The following ABHD2 variants were observed in gnomAD, a reference collection of about 807,000 sequenced individuals.
ABHD2 encodes the protein abhydrolase domain containing 2, acylglycerol lipase.
A neutral mutation model predicts 48.1 loss-of-function variants in ABHD2; 20 were observed. That is an observed-to-expected ratio of 0.42 (90% CI 0.29 to 0.60). The LOEUF (loss-of-function observed/expected upper bound fraction) is 0.60. Ranked by LOEUF, ABHD2 falls within the 20% of genes least tolerant of loss-of-function variation. ABHD2 has a pLI of 0.24. For synonymous variants in ABHD2, 209 were observed against 214.2 expected (o/e 0.98, Z 0.21); for missense variants, 405 against 550.9 (o/e 0.74, Z 2.65).
In ABHD2 at chr15:89,175,927, G is replaced by T; in HGVS notation, c.654G>T (p.Gly218=). The T allele has an allele frequency of 6.2e-7, 1 of 1,614,112 alleles. No homozygotes were observed. The highest frequency in any genetic ancestry group is 2.2e-5 in the East Asian group (1 of 44,880). ...LGGNIVCKYL[G]ETQANQEKVL... The stretch of plus-strand genomic sequence containing the variant: ...GTAACATTGTGTGCAAATACTTGGG[G>T]GAGACTCAGGCAAACCAAGAGAAGG... Residue 218 remains glycine (G), a synonymous_variant, in exon 6 of 11, where the codon GGG becomes GGT. Transcript: ENST00000352732. The surrounding 1 kb of genome is among the most constrained non-coding windows in gnomAD (Gnocchi z 5.7).
At chr15:89,108,613 T>A (rs2049824226) in intron 1 of ABHD2, among the ~76,000 whole-genome samples, 1 of 152,250 alleles carries the variant, frequency 6.6e-6, no homozygotes, top group Admixed American at 6.5e-5. Flanking sequence ...GCTCTGTTTG[T>A]TCGTGCTTTC....
intron 1 of ABHD2, among the ~76,000 whole-genome samples, chr15:89,095,376 AC>A (rs1316268912): frequency 2.0e-5 from 3 of 152,190 alleles, no homozygotes; most frequent in African/African-American, 7.2e-5. Flanking sequence ...GGTGGTACAG[AC>A]TACACAATGT....
In ABHD2 at chr15:89,138,122, G is replaced by A. The variant is rs1157648864; in HGVS notation, c.195-13555G>A. 3.9e-5 allele frequency among the ~76,000 whole-genome samples: 6 copies of A among 152,260 alleles called. No individual in the cohort carries two copies. The East Asian group carries it at 9.6e-4, about 24-fold the overall frequency. Reference sequence around the variant, plus strand: ...GGGCCCTGGCTTCCAGGCCTGTGGAGCAGGGAGGCTCTGGCAGTTCAGGAT... The same window carrying A: ...GGGCCCTGGCTTCCAGGCCTGTGGAACAGGGAGGCTCTGGCAGTTCAGGAT... On this transcript the variant is annotated intron_variant, in intron 3 of 10. Coordinates refer to ENST00000352732, the MANE Select transcript of ABHD2 (RefSeq NM_152924.5).
the ABHD2 span, among the ~76,000 whole-genome samples, chr15:89,081,588 C>T: frequency 7.9e-5 from 12 of 152,050 alleles, no homozygotes; most frequent in East Asian, 1.9e-4. Context: ...AATAGTTGGC[C>T]GGGTGCAGTG....
chr15:89,136,971 C>T (rs766437215), intron 3 of ABHD2, among the ~76,000 whole-genome samples: 1 of 152,210 alleles, frequency 6.6e-6, no homozygotes, highest in African/African-American at 2.4e-5. Flanking sequence ...TGAGCGTCAG[C>T]GTACATCCTG....
the ABHD2 span, among the ~76,000 whole-genome samples, chr15:89,064,470 C>T: frequency 2.0e-5 from 3 of 151,906 alleles, no homozygotes; most frequent in South Asian, 2.1e-4. Flanking sequence ...CCTTGTGATC[C>T]GCCCACCTCG....
In ABHD2 at chr15:89,155,271, C is replaced by A; in HGVS notation, c.371-96C>A. The A allele has an allele frequency of 2.2e-6, 3 of 1,362,832 alleles. No homozygotes were observed. The highest frequency in any genetic ancestry group is 1.9e-4 in the Middle Eastern group (1 of 5,214). 84.4% of individuals were successfully genotyped at this position (1,362,832 alleles called of 1,614,324 possible). A position where few individuals can be genotyped will look rare whatever the true frequency, so the allele number is the denominator to read the frequency against. On this transcript the variant is annotated intron_variant, in intron 4 of 10. Transcript: ENST00000352732. This position sits in a 1 kb window ranked among gnomAD's most constrained non-coding sequence, Gnocchi z 4.9. ...CTGAGTGAAAGATGTATGTTGAATT[C>A]CCTCCCCTTGTTTTCTAGACCAGTG...
rs554109334 is a variant in ABHD2 at position 89,189,713 on chromosome 15, G to A, written c.927-1367G>A. ...ATGAAAACTAGGAAATTGCTGGTAT[G>A]TTCAGAAGGTGAAAAATGAATCTTA... is the stretch of plus-strand genomic sequence containing the variant. On this transcript the variant is annotated intron_variant, in intron 8 of 10. Transcript: ENST00000352732. This position sits in a 1 kb window ranked among gnomAD's most constrained non-coding sequence, Gnocchi z 4.9. Among the ~76,000 whole-genome samples, 2 of 152,264 alleles carry A rather than the reference G, an allele frequency of 1.3e-5. No individual in the cohort carries two copies. Among genetic ancestry groups the A allele is most frequent in the Non-Finnish European group, 2.9e-5 (2 of 68,022 alleles).
intron 10 of ABHD2, among the ~76,000 whole-genome samples, chr15:89,194,805 G>A (rs2051368413): frequency 6.6e-6 from 1 of 152,116 alleles, no homozygotes; most frequent in South Asian, 2.1e-4. Context: ...GAAACACATT[G>A]AATCACCTGG....
At chr15:89,156,958 T>G (rs571990095) in intron 5 of ABHD2, among the ~76,000 whole-genome samples, 1 of 152,342 alleles carries the variant, frequency 6.6e-6, no homozygotes, top group East Asian at 1.9e-4. Flanking sequence ...ATTTTCTATT[T>G]CTTCCAACTA....
intron 3 of ABHD2, among the ~76,000 whole-genome samples, chr15:89,124,979 A>G (rs964036408): frequency 6.6e-6 from 1 of 152,088 alleles, no homozygotes; most frequent in African/African-American, 2.4e-5. Context: ...ATCCCAGCTA[A>G]TCGGGAGGCT....
intron 3 of ABHD2, among the ~76,000 whole-genome samples, chr15:89,134,676 A>G (rs2050274952): frequency 6.6e-6 from 1 of 152,124 alleles, no homozygotes; most frequent in Admixed American, 6.6e-5. Flanking sequence ...TATTATTTTT[A>G]TTGTGTATCT....
At chr15:89,178,012 A>G (rs1017235570) in intron 6 of ABHD2, among the ~76,000 whole-genome samples, 3 of 152,244 alleles carry the variant, frequency 2.0e-5, no homozygotes, top group Non-Finnish European at 4.4e-5. Context: ...TAGAAAACTA[A>G]AATCTGTGAG....
the ABHD2 span, among the ~76,000 whole-genome samples, chr15:89,043,614 C>CGAGGAGGCGGAAGGAGGAG: frequency 1.1e-5 from 1 of 95,016 alleles, no homozygotes; most frequent in Non-Finnish European, 2.0e-5. Context: ...GAGGAGGAGA[C>CGAGGAGGCGGAAGGAGGAG]GAGGAGGCGG....
At chr15:89,075,993 T>C in the ABHD2 span, among the ~76,000 whole-genome samples, 15 of 152,240 alleles carry the variant, frequency 9.9e-5, no homozygotes, top group East Asian at 2.3e-3. The surrounding 1 kb of genome is among the most constrained non-coding windows in gnomAD (Gnocchi z 4.1). Flanking sequence ...ACTGTTCCAG[T>C]GGAGGAGTAG....
the ABHD2 span, among the ~76,000 whole-genome samples, chr15:89,056,975 G>A: frequency 4.2e-5 from 6 of 142,212 alleles, no homozygotes; most frequent in Admixed American, 4.6e-4. Flanking sequence ...GTGCAATGGC[G>A]CCATCTCGGC....
At chr15:89,147,520 A>G (rs1283485452) in intron 3 of ABHD2, among the ~76,000 whole-genome samples, 1 of 150,806 alleles carries the variant, frequency 6.6e-6, no homozygotes, top group African/African-American at 2.4e-5. Context: ...CGCCCGGCTA[A>G]TTTTTTGTAT....
At chr15:89,187,750 C>T (rs903413313) in intron 7 of ABHD2, among the ~76,000 whole-genome samples, 1 of 152,228 alleles carries the variant, frequency 6.6e-6, no homozygotes, top group Admixed American at 6.5e-5. Context: ...TTGTCTTCCT[C>T]GCTTTTTGTT....
At chr15:89,051,948 G>T in the ABHD2 span, among the ~76,000 whole-genome samples, 1 of 152,202 alleles carries the variant, frequency 6.6e-6, no homozygotes, top group Non-Finnish European at 1.5e-5. Context: ...CTCGTGAGAA[G>T]CTATTGGTAG....
Sources: allele counts gnomAD v4.1 joint callset (sites outside exome capture counted in the v4.1 genomes callset), GRCh38; gene constraint gnomAD v4.1.1; non-coding constraint Gnocchi (gnomAD v3.1); transcripts MANE v1.5; gene names NCBI Gene and HGNC (gene_info 2026-07-23, HGNC 2026-07-21).